The following NPAS3 variants were observed in gnomAD, a reference collection of about 807,000 sequenced individuals.
NPAS3 encodes neuronal PAS domain-containing protein 3.
Under a neutral mutation model 73.1 loss-of-function variants are expected in NPAS3, and 14 were observed. That is an observed-to-expected ratio of 0.19 (90% CI 0.13 to 0.30). The LOEUF is 0.30. Ranked by LOEUF, NPAS3 falls within the 10% of genes least tolerant of loss-of-function variation. The pLI is 1.00. For synonymous variants in NPAS3, 620 were observed against 541.5 expected (o/e 1.14, Z -2.01); for missense variants, 1,096 against 1,250.0 (o/e 0.88, Z 1.86).
intron 7 of NPAS3, among the ~76,000 whole-genome samples, chr14:33,736,836 G>A (rs929279325): frequency 6.6e-6 from 1 of 152,094 alleles, no homozygotes; most frequent in Non-Finnish European, 1.5e-5. Context: ...GCAATATTAA[G>A]TATAATTCAA....
Position 33,113,595 on chromosome 14 carries a change from C to A in NPAS3, c.140+57601C>A, listed in dbSNP as rs536470762. ...GAGACAATAGGGTTTTCTAAATATA[C>A]AATCATGTCATCTGCAAACAGGGAC... On this transcript the variant is annotated intron_variant, in intron 2 of 11. Transcript: ENST00000356141. Among the ~76,000 whole-genome samples the A allele has an allele frequency of 6.6e-4, 100 of 152,202 alleles. No homozygotes were observed. In the East Asian group the frequency reaches 0.017, roughly 26 times the overall value.
At chr14:33,133,935 G>C (rs1232784147) in intron 2 of NPAS3, among the ~76,000 whole-genome samples, 1 of 152,142 alleles carries the variant, frequency 6.6e-6, no homozygotes, top group Non-Finnish European at 1.5e-5. Context: ...AGGCATTAGG[G>C]ATCATTACAG....
At position 33,272,288 on chromosome 14, in the gene NPAS3, T is replaced by G. The variant is rs562371056; in HGVS notation, c.385+56862T>G. ...ACCTTCTTGATCACAGTACTCATAA[T>G]TATAGCAGTGGGATATTCATGACCT... On this transcript the variant is annotated intron_variant, in intron 3 of 11. Coordinates refer to ENST00000356141, the Ensembl canonical transcript of NPAS3. Among the ~76,000 whole-genome samples, 11 of 152,342 alleles carry G rather than the reference T, an allele frequency of 7.2e-5. No homozygotes were observed. The East Asian group carries it at 2.1e-3, about 29-fold the overall frequency.
At chr14:33,085,269 T>C (rs2041985312) in intron 2 of NPAS3, among the ~76,000 whole-genome samples, 1 of 152,252 alleles carries the variant, frequency 6.6e-6, no homozygotes, top group Admixed American at 6.5e-5. Context: ...AATATTATTA[T>C]CTGGCTTATT....
chr14:33,144,515 C>T (rs557290100), intron 2 of NPAS3, among the ~76,000 whole-genome samples: 1 of 152,214 alleles, frequency 6.6e-6, no homozygotes, highest in South Asian at 2.1e-4. Flanking sequence ...GATGTATTTC[C>T]CAGTTACCTG....
chr14:33,030,735 A>G (rs2039960812), intron 1 of NPAS3, among the ~76,000 whole-genome samples: 1 of 152,196 alleles, frequency 6.6e-6, no homozygotes. Context: ...ATGCCAGTGT[A>G]TGAGTATACT....
At chr14:33,678,266 A>AGTT (rs1422861665) in intron 6 of NPAS3, among the ~76,000 whole-genome samples, 5 of 152,162 alleles carry the variant, frequency 3.3e-5, no homozygotes, top group Non-Finnish European at 7.3e-5. Context: ...TCTCGTAGAT[A>AGTT]GTTATGCCTG....
chr14:33,615,064 C>T (rs1019217983), intron 5 of NPAS3, among the ~76,000 whole-genome samples: 2 of 152,044 alleles, frequency 1.3e-5, no homozygotes, highest in Non-Finnish European at 2.9e-5. Flanking sequence ...AAAGGCCATT[C>T]TAGGTGACAG....
At chr14:33,657,129 C>A (rs1179561943) in intron 5 of NPAS3, among the ~76,000 whole-genome samples, 4 of 152,198 alleles carry the variant, frequency 2.6e-5, no homozygotes, top group Admixed American at 2.6e-4. Context: ...ACAAATACTT[C>A]TATGTGAAAG....
intron 2 of NPAS3, among the ~76,000 whole-genome samples, chr14:33,073,256 T>C (rs1220550764): frequency 6.6e-6 from 1 of 152,214 alleles, no homozygotes; most frequent in East Asian, 1.9e-4. Context: ...AGAAGTTGCA[T>C]GCCAGTGGGG....
intron 2 of NPAS3, among the ~76,000 whole-genome samples, chr14:33,117,200 G>A (rs1410563873): frequency 2.0e-5 from 3 of 151,836 alleles, no homozygotes; most frequent in African/African-American, 7.3e-5. Context: ...ATTTCTTGGT[G>A]GTGGGGACAT....
At chr14:33,132,525 T>C (rs981765836) in intron 2 of NPAS3, among the ~76,000 whole-genome samples, 27 of 152,218 alleles carry the variant, frequency 1.8e-4, no homozygotes, top group Middle Eastern at 3.4e-3. Flanking sequence ...AAATTGAGAT[T>C]GATGGCTGAA....
At chr14:32,935,391 G>A (rs1275691461), upstream of NPAS3, among the ~76,000 whole-genome samples, 1 of 152,332 alleles carries the variant, frequency 6.6e-6, no homozygotes, top group East Asian at 1.9e-4. Flanking sequence ...ACAGCTAGGG[G>A]GGCAATTGAT....
intron 5 of NPAS3, among the ~76,000 whole-genome samples, chr14:33,640,171 C>T (rs1188608910): frequency 6.6e-6 from 1 of 151,464 alleles, no homozygotes; most frequent in Non-Finnish European, 1.5e-5. Flanking sequence ...GAGCCGAGAT[C>T]GCGACAGCGA....
chr14:33,594,230 A>G (rs1002792199), intron 5 of NPAS3, among the ~76,000 whole-genome samples: 23 of 152,160 alleles, frequency 1.5e-4, no homozygotes, highest in Non-Finnish European at 3.2e-4. Flanking sequence ...AATCATCTCT[A>G]GATAACTGGT....
intron 2 of NPAS3, among the ~76,000 whole-genome samples, chr14:33,189,840 C>T (rs1040278166): frequency 6.6e-6 from 1 of 151,856 alleles, no homozygotes; most frequent in Non-Finnish European, 1.5e-5. Context: ...TAAAGATAAG[C>T]AAAAAAGGAA....
chr14:33,005,750 G>A lies in NPAS3; in HGVS notation c.51-50155G>A, dbSNP rs1262144013. Among the ~76,000 whole-genome samples the A allele has an allele frequency of 2.6e-5, 4 of 152,164 alleles. No homozygotes were observed. The South Asian group carries it at 6.2e-4, about 24-fold the overall frequency. ...CGTTACTTGGTGGTTGGGTCCTAAGGATTCAGATAGCTTTCCTCATTTTTT... is the reference window on the plus strand; with the variant it reads ...CGTTACTTGGTGGTTGGGTCCTAAGAATTCAGATAGCTTTCCTCATTTTTT... On this transcript the variant is annotated intron_variant, in intron 1 of 11. Coordinates refer to ENST00000356141, the Ensembl canonical transcript of NPAS3.
At chr14:33,594,481 T>G (rs1375066818) in intron 5 of NPAS3, among the ~76,000 whole-genome samples, 1 of 152,190 alleles carries the variant, frequency 6.6e-6, no homozygotes, top group Non-Finnish European at 1.5e-5. Context: ...ATTAATTACC[T>G]TATATTCTCC....
At chr14:32,961,358 C>T (rs903863113) in intron 1 of NPAS3, among the ~76,000 whole-genome samples, 2 of 147,952 alleles carry the variant, frequency 1.4e-5, no homozygotes, top group Non-Finnish European at 3.0e-5. Context: ...TTGCAGTGAG[C>T]TGAGATTGCA....
Sources: gnomAD v4.1 joint callset for allele counts (sites outside exome capture counted in the v4.1 genomes callset) on GRCh38, gnomAD v4.1.1 for gene constraint, MANE v1.5 for transcripts, NCBI Gene and HGNC (gene_info 2026-07-23, HGNC 2026-07-21) for gene names.